The following UNC80 variants were observed in gnomAD, a reference collection of about 807,000 sequenced individuals.
UNC80 encodes unc-80 subunit of NALCN channel complex, also known as protein unc-80 homolog.
UNC80 carries 164 observed loss-of-function variants against 384.6 expected under a neutral mutation model. The observed-to-expected ratio is 0.43, with a 90% confidence interval of 0.38 to 0.49. UNC80 has a LOEUF of 0.49. Among genes scored for constraint, UNC80 ranks in the 20% least tolerant of loss-of-function variants. The pLI is 0.00. For synonymous variants in UNC80, 1,486 were observed against 1,527.8 expected (o/e 0.97, Z 0.64); for missense variants, 3,330 against 4,143.0 (o/e 0.80, Z 5.39).
intron 47 of UNC80, among the ~76,000 whole-genome samples, chr2:209,949,560 C>G (rs1004588449): frequency 6.6e-6 from 1 of 152,114 alleles, no homozygotes; most frequent in Non-Finnish European, 1.5e-5. Flanking sequence ...TCACTGCAAC[C>G]TCTGCCTCCT....
At chr2:209,909,336 T>C (rs1334209329) in intron 29 of UNC80, among the ~76,000 whole-genome samples, 1 of 152,172 alleles carries the variant, frequency 6.6e-6, no homozygotes, top group Non-Finnish European at 1.5e-5. Context: ...CTTCAAAGGA[T>C]ACAGTAGAAT....
chr2:209,931,013 G>A lies in UNC80; in HGVS notation c.5953G>A (p.Asp1985Asn), dbSNP rs1427924189. 3 of 1,550,746 alleles carry A rather than the reference G, an allele frequency of 1.9e-6. No individual in the cohort carries two copies. In the Admixed American group the frequency reaches 5.9e-5, roughly 30 times the overall value. ...GCGCAAACTTCTCTTGAATATTGGA[G>A]ACTTTCCTGCTCAGACATCTCACAT... is the stretch of plus-strand genomic sequence containing the variant. ...MLRKLLLNIG[D>N]FPAQTSHILF... is the part of the protein sequence containing the mutation. The change falls in exon 38 of 65, where the codon GAC (aspartate) becomes AAC (asparagine). Residue 1985 changes from aspartate (D) to asparagine (N), a missense_variant. Asp to Asn is a conservative substitution (Grantham distance 23, BLOSUM62 1). This residue lies in a region of UNC80 where 1,049 missense variants were observed against 1,488.6 expected (regional missense o/e 0.70). Transcript: ENST00000673920.
At chr2:209,858,344 A>C (rs1168102412) in intron 22 of UNC80, among the ~76,000 whole-genome samples, 1 of 152,138 alleles carries the variant, frequency 6.6e-6, no homozygotes, top group African/African-American at 2.4e-5. Flanking sequence ...TTGGCTGGGC[A>C]TGTCTTTTTG....
rs763962679 is a variant in UNC80 at position 209,813,590 on chromosome 2, G to T, written c.949G>T (p.Val317Leu). The T allele has an allele frequency of 1.3e-6, 2 of 1,551,174 alleles. No individual in the cohort carries two copies. Among genetic ancestry groups the T allele is most frequent in the South Asian group, 1.2e-5 (1 of 84,040 alleles). Residue 317 changes from valine (V) to leucine (L), a missense_variant, in exon 8 of 65, where the codon GTG (valine) becomes TTG (leucine). Coordinates refer to ENST00000673920, the MANE Select transcript of UNC80 (RefSeq NM_001371986.1). Reference sequence around the variant, plus strand: ...TCTGCCATGGAACAGGGCCTCTCTTGTGATACCTCCGTGCCAAAGGTCCCG... The same window carrying T: ...TCTGCCATGGAACAGGGCCTCTCTTTTGATACCTCCGTGCCAAAGGTCCCG... Reference protein sequence around the residue: ...RGPSHSRASLVIPPCQRSRYA... With the variant: ...RGPSHSRASLLIPPCQRSRYA...
intron 22 of UNC80, among the ~76,000 whole-genome samples, chr2:209,864,801 G>A (rs2083595556): frequency 6.6e-6 from 1 of 152,208 alleles, no homozygotes; most frequent in Admixed American, 6.5e-5. Flanking sequence ...GTCATTGCGA[G>A]TCCCACTGCT....
intron 31 of UNC80, among the ~76,000 whole-genome samples, chr2:209,914,649 C>T (rs2089316900): frequency 7.8e-6 from 1 of 128,406 alleles, no homozygotes; most frequent in Admixed American, 8.3e-5. Context: ...CTAGGGTAAA[C>T]TGTGTGTGTG....
rs908376860 is a variant in UNC80 at position 209,809,649 on chromosome 2, T to A, written c.939-3931T>A. 1.3e-5 allele frequency: 8 copies of A among 605,578 alleles called. No individual in the cohort carries two copies. The Admixed American group carries it at 2.1e-4, about 16-fold the overall frequency. 37.5% of individuals were successfully genotyped at this position (605,578 alleles called of 1,614,324 possible). A position where few individuals can be genotyped will look rare whatever the true frequency, so the allele number is the denominator to read the frequency against. On this transcript the variant is annotated intron_variant, in intron 7 of 64. Coordinates refer to ENST00000673920, the MANE Select transcript of UNC80 (RefSeq NM_001371986.1). ...CCGCCAACCAACAGCCTCCCCAAGCTCCAGAAGGAAGGAGTACACCATGTC... is the reference window on the plus strand; with the variant it reads ...CCGCCAACCAACAGCCTCCCCAAGCACCAGAAGGAAGGAGTACACCATGTC...
chr2:209,933,180 C>T (rs1233292358), intron 38 of UNC80, among the ~76,000 whole-genome samples: 3 of 152,106 alleles, frequency 2.0e-5, no homozygotes, highest in Non-Finnish European at 2.9e-5. Context: ...ACATATTCTA[C>T]CTCCTATTAA....
intron 22 of UNC80, among the ~76,000 whole-genome samples, chr2:209,850,832 C>A (rs982719926): frequency 6.6e-6 from 1 of 151,952 alleles, no homozygotes; most frequent in Non-Finnish European, 1.5e-5. Flanking sequence ...AATCAAAGTA[C>A]AGTGAGATGT....
At chr2:209,962,967 A>G (rs1236925730) in intron 51 of UNC80, among the ~76,000 whole-genome samples, 1 of 152,260 alleles carries the variant, frequency 6.6e-6, no homozygotes, top group African/African-American at 2.4e-5. Context: ...AGAGAAAGAG[A>G]AATGGGATGA....
At chr2:209,793,577 A>G in intron 6 of UNC80, 143 bp from the exon 7 acceptor site, 3 of 913,888 alleles carry the variant, frequency 3.3e-6, no homozygotes, top group Non-Finnish European at 4.7e-6. Context: ...CCCTTGGCCC[A>G]TAATATCATA....
chr2:209,787,323 T>C (rs984013059), intron 5 of UNC80, among the ~76,000 whole-genome samples: 3 of 152,112 alleles, frequency 2.0e-5, no homozygotes, highest in African/African-American at 7.2e-5. Context: ...CTGATTTGAA[T>C]TTTACCTCCA....
At chr2:209,948,990 T>C (rs1559378937) in intron 47 of UNC80, among the ~76,000 whole-genome samples, 3 of 152,202 alleles carry the variant, frequency 2.0e-5, no homozygotes. Context: ...CTAAGTGTGA[T>C]AGGTTACACT....
intron 4 of UNC80, among the ~76,000 whole-genome samples, chr2:209,780,809 T>G (rs1431793122): frequency 6.6e-6 from 1 of 152,210 alleles, no homozygotes; most frequent in Non-Finnish European, 1.5e-5. Context: ...CCATGTAAAC[T>G]TCCCCTCACC....
chr2:209,793,405 T>C (rs1448980014), intron 6 of UNC80, among the ~76,000 whole-genome samples: 6 of 152,204 alleles, frequency 3.9e-5, no homozygotes, highest in Admixed American at 3.9e-4. Context: ...TGATGAATTC[T>C]TGATGTGTAA....
At chr2:209,844,295 A>C (rs777617001) in intron 21 of UNC80, among the ~76,000 whole-genome samples, 32 of 152,162 alleles carry the variant, frequency 2.1e-4, no homozygotes, top group African/African-American at 7.5e-4. Context: ...TTTATGCACT[A>C]AAGTATAACT....
intron 16 of UNC80, among the ~76,000 whole-genome samples, chr2:209,833,355 A>C (rs1202168742): frequency 6.6e-6 from 1 of 151,912 alleles, no homozygotes; most frequent in Non-Finnish European, 1.5e-5. Context: ...TCCAAAGCTT[A>C]ATTTCTCAAG....
At chr2:209,907,139 A>C (rs537584877) in intron 29 of UNC80, among the ~76,000 whole-genome samples, 80 of 152,218 alleles carry the variant, frequency 5.3e-4, no homozygotes, top group African/African-American at 1.9e-3. Flanking sequence ...TTCTTCAACT[A>C]AATTATAATT....
At chr2:209,868,938 C>T (rs371030914) in intron 22 of UNC80, among the ~76,000 whole-genome samples, 2 of 152,154 alleles carry the variant, frequency 1.3e-5, no homozygotes, top group East Asian at 1.9e-4. Context: ...CATTATGGAG[C>T]ATAAAAAGGG....
Sources: allele counts gnomAD v4.1 joint callset (sites outside exome capture counted in the v4.1 genomes callset), GRCh38; gene constraint gnomAD v4.1.1; regional missense constraint gnomAD v4.1.1; transcripts MANE v1.5; gene names NCBI Gene and HGNC (gene_info 2026-07-23, HGNC 2026-07-21).